Variants in IL17RA observed in about 807,000 individuals in gnomAD.
IL17RA encodes the protein interleukin 17 receptor A, also known as interleukin-17 receptor A.
Under a neutral mutation model 50.4 loss-of-function variants are expected in IL17RA, and 34 were observed. The ratio of observed to expected loss-of-function variants is 0.67; its 90% CI spans 0.51 to 0.90. IL17RA has a LOEUF of 0.90. IL17RA is among the 40% of genes least tolerant of loss of function. The probability of loss-of-function intolerance (pLI) is 0.00; values close to 1 mark genes in which losing one functional copy is unlikely to be tolerated. For missense variants in IL17RA, 1,276 were observed against 1,169.8 expected (o/e 1.09, Z -1.32); for synonymous variants, 585 against 510.4 (o/e 1.15, Z -1.97).
intron 11 of IL17RA, among the ~76,000 whole-genome samples, chr22:17,107,165 G>A (rs933553701): frequency 6.6e-5 from 10 of 152,158 alleles, no homozygotes; most frequent in African/African-American, 1.9e-4. Flanking sequence ...AAAATACCAG[G>A]AGGAAATGTT....
At chr22:17,088,996 A>G (rs911071633) in intron 1 of IL17RA, among the ~76,000 whole-genome samples, 3 of 151,812 alleles carry the variant, frequency 2.0e-5, no homozygotes, top group Non-Finnish European at 2.9e-5. Flanking sequence ...GGGTTTCACC[A>G]TGTTGGCCAG....
rs747687323 is a variant in IL17RA, at chr22:17,108,865, G to A, written c.1646G>A (p.Arg549His). Residue 549 changes from arginine to histidine, a missense_variant, in exon 13 of 13, where the codon CGC (arginine) becomes CAC (histidine). Coordinates refer to ENST00000319363, the MANE Select transcript of IL17RA (RefSeq NM_014339.7). ...ATGTTCCAGCCGGGCCGCATGCACCGCGTAGGGGAGCTGTCGGGGGACAAC... is the reference window on the plus strand; with the variant it reads ...ATGTTCCAGCCGGGCCGCATGCACCACGTAGGGGAGCTGTCGGGGGACAAC... ...LEMFQPGRMHRVGELSGDNYL... is the reference protein window; with the variant it reads ...LEMFQPGRMHHVGELSGDNYL... 9 of 1,609,348 alleles carry A rather than the reference G, an allele frequency of 5.6e-6. No homozygotes were observed. Among genetic ancestry groups the A allele is most frequent in the South Asian group, 2.2e-5 (2 of 90,512 alleles).
Position 17,110,030 on chromosome 22 carries a change from C to G in IL17RA, c.*210C>G. ...TATCGTCTATCCCCAGGGGAATCCA[C>G]ACAGCCCGCTCCCAGGAGCTAATGG... is the stretch of plus-strand genomic sequence containing the variant. On this transcript the variant is annotated 3_prime_UTR_variant, in exon 13 of 13. Transcript: ENST00000319363. 1.7e-6 allele frequency: 1 copy of G among 598,760 alleles called. No individual in the cohort carries two copies. Among genetic ancestry groups the G allele is most frequent in the Non-Finnish European group, 2.9e-6 (1 of 339,456 alleles). The allele number at this position is 598,760 out of a possible 1,614,324, so 37.1% of individuals were successfully genotyped here.
chr22:17,089,470 A>G (rs2061340293), intron 1 of IL17RA, among the ~76,000 whole-genome samples: 1 of 152,208 alleles, frequency 6.6e-6, no homozygotes, highest in South Asian at 2.1e-4. Context: ...CTCAATAAAC[A>G]TCAGCTGCCA....
chr22:17,113,485 A>G lies in IL17RA; in HGVS notation c.*3665A>G, dbSNP rs1313861027. 1 of 152,270 alleles carries G rather than the reference A, an allele frequency of 6.6e-6. No homozygotes were observed. The highest frequency in any genetic ancestry group is 1.5e-5 in the Non-Finnish European group (1 of 68,066). The allele number at this position is 152,270 out of a possible 1,614,324, so 9.4% of individuals were successfully genotyped here. A position where few individuals can be genotyped will look rare whatever the true frequency, so the allele number is the denominator to read the frequency against. ...GTGCTGGGATTATAGGCCTGAGCCC[A>G]CCGTGCCTGGCCTTTCCTGTTTATC... On this transcript the variant is annotated 3_prime_UTR_variant, in exon 13 of 13. Coordinates refer to ENST00000319363, the MANE Select transcript of IL17RA (RefSeq NM_014339.7).
rs2061371306 is a variant in IL17RA at position 17,097,148 on chromosome 22, C to G, written c.163+62C>G. 1.5e-5 allele frequency: 22 copies of G among 1,482,824 alleles called. No homozygotes were observed. In the South Asian group the frequency reaches 2.4e-4, roughly 16 times the overall value. 91.9% of individuals were successfully genotyped at this position (1,482,824 alleles called of 1,614,324 possible). On this transcript the variant is annotated intron_variant, in intron 2 of 12. Coordinates refer to ENST00000319363, the MANE Select transcript of IL17RA (RefSeq NM_014339.7). ...TCTTAATCAAGTGAGAGCCTGCTGC[C>G]AACTTCTGACAGAAGTCTTGCCATG...
chr22:17,085,373 G>C, intron 1 of IL17RA, 144 bp downstream of exon 1: 1 of 1,369,678 alleles, frequency 7.3e-7, no homozygotes, highest in Non-Finnish European at 9.5e-7. Flanking sequence ...TCAGAGCCTT[G>C]GGCACAGATA....
rs749300733 is a variant in IL17RA, at chr22:17,108,771, G to C, written c.1552G>C (p.Gly518Arg). 1.9e-6 allele frequency: 3 copies of C among 1,608,982 alleles called. No homozygotes were observed. Among genetic ancestry groups the C allele is most frequent in the Non-Finnish European group, 2.5e-6 (3 of 1,177,956 alleles). Residue 518 changes from glycine (G) to arginine (R), a missense_variant, in exon 13 of 13, where the codon GGC (glycine) becomes CGC (arginine). Coordinates refer to ENST00000319363, the MANE Select transcript of IL17RA (RefSeq NM_014339.7). ...SCDGDVPDLF[G>R]AAPRYPLMDR... ...TGACGGCGACGTCCCCGACCTGTTC[G>C]GCGCGGCGCCGCGGTACCCGCTCAT...
rs746263912 is a variant in IL17RA, at chr22:17,102,057, C to T, written c.598+14C>T. ...GCATGAGCTCAGGTAACAGCTGGCC[C>T]GGGAGAGCTTTATTTGGATGCATAC... On this transcript the variant is annotated intron_variant, in intron 6 of 12. Transcript: ENST00000319363. The T allele has an allele frequency of 5.0e-6, 8 of 1,614,160 alleles. No homozygotes were observed. Among genetic ancestry groups the T allele is most frequent in the South Asian group, 1.1e-5 (1 of 91,090 alleles).
chr22:17,108,975 G>A lies in IL17RA; in HGVS notation c.1756G>A (p.Glu586Lys), dbSNP rs925100401. The change falls in exon 13 of 13, where the codon GAA becomes AAA. Residue 586 changes from glutamate to lysine, a missense_variant. Transcript: ENST00000319363. Reference protein sequence around the residue: ...DWQVRCPDWFECENLYSADDQ... With the variant: ...DWQVRCPDWFKCENLYSADDQ... ...GCAGGTCCGCTGTCCCGACTGGTTC[G>A]AATGTGAGAACCTCTACTCAGCAGA... 5 of 1,604,538 alleles carry A rather than the reference G, an allele frequency of 3.1e-6. No individual in the cohort carries two copies. The Admixed American group carries it at 5.0e-5, about 16-fold the overall frequency.
rs745971564 is a variant in IL17RA at position 17,109,349 on chromosome 22, C to A, written c.2130C>A (p.Gly710=). ...GEACPLLGSP[G]AGRNSVLFLP... is the part of the protein sequence containing the mutation. ...CCTGCCCGCTGCTGGGCAGCCCGGG[C>A]GCTGGGCGAAATAGCGTCCTCTTCC... Residue 710 remains glycine (G), a synonymous_variant, in exon 13 of 13, where the codon GGC becomes GGA. Transcript: ENST00000319363. 2 of 1,593,002 alleles carry A rather than the reference C, an allele frequency of 1.3e-6. No individual in the cohort carries two copies.
In IL17RA at chr22:17,108,599, C is replaced by T. The variant is rs1241355748; in HGVS notation, c.1380C>T (p.Gly460=). 6.2e-7 allele frequency: 1 copy of T among 1,604,620 alleles called. No individual in the cohort carries two copies. ...GCGCCAAGTGGCAGGCGCTCCTGGG[C>T]CGGGGGGCGCCTGTGCGGCTGCGCT... ...GTRAKWQALL[G]RGAPVRLRCD... is the part of the protein sequence containing the mutation. The change falls in exon 13 of 13, where the codon GGC becomes GGT. Residue 460 remains glycine (G), a synonymous_variant. Coordinates refer to ENST00000319363, the MANE Select transcript of IL17RA (RefSeq NM_014339.7).
chr22:17,097,147 C>T lies in IL17RA; in HGVS notation c.163+61C>T, dbSNP rs1221540114. 3 of 1,503,452 alleles carry T rather than the reference C, an allele frequency of 2.0e-6. No individual in the cohort carries two copies. The Admixed American group carries it at 5.0e-5, about 25-fold the overall frequency. The allele number at this position is 1,503,452 out of a possible 1,614,324, so 93.1% of individuals were successfully genotyped here. A position where few individuals can be genotyped will look rare whatever the true frequency, so the allele number is the denominator to read the frequency against. On this transcript the variant is annotated intron_variant, in intron 2 of 12. Coordinates refer to ENST00000319363, the MANE Select transcript of IL17RA (RefSeq NM_014339.7). The stretch of plus-strand genomic sequence containing the variant: ...TTCTTAATCAAGTGAGAGCCTGCTG[C>T]CAACTTCTGACAGAAGTCTTGCCAT...
At chr22:17,094,652 A>ACTCTCTCTCTCT (rs1307011752) in intron 1 of IL17RA, among the ~76,000 whole-genome samples, 14 of 17,754 alleles carry the variant, frequency 7.9e-4, no homozygotes, top group African/African-American at 1.5e-3. Flanking sequence ...TTAGTCATAC[A>ACTCTCTCTCTCT]CACACTCTCT....
chr22:17,097,749 A>T, intron 2 of IL17RA, 48 bp from the exon 3 acceptor site: 1 of 1,612,064 alleles, frequency 6.2e-7, no homozygotes, highest in East Asian at 2.2e-5. Flanking sequence ...GGGGCATCTC[A>T]GGGTCTCGGC....
At chr22:17,104,689 A>G in intron 8 of IL17RA, 37 bp from the exon 9 acceptor site, 1 of 1,597,204 alleles carries the variant, frequency 6.3e-7, no homozygotes, top group African/African-American at 1.3e-5. Flanking sequence ...GGCGCTCTAC[A>G]GTTCTGGAGC....
chr22:17,110,777 T>C lies in IL17RA; in HGVS notation c.*957T>C, dbSNP rs2061438853. 6.6e-6 allele frequency: 1 copy of C among 152,342 alleles called. No homozygotes were observed. Among genetic ancestry groups the C allele is most frequent in the Admixed American group, 6.5e-5 (1 of 15,270 alleles). 9.4% of individuals were successfully genotyped at this position (152,342 alleles called of 1,614,324 possible). On this transcript the variant is annotated 3_prime_UTR_variant, in exon 13 of 13. Coordinates refer to ENST00000319363, the MANE Select transcript of IL17RA (RefSeq NM_014339.7). ...AGGAGGTAGAGGCTGCAGTGAGCTATAATGGTACCATTGCAATCCAGCCTG... is the reference window on the plus strand; with the variant it reads ...AGGAGGTAGAGGCTGCAGTGAGCTACAATGGTACCATTGCAATCCAGCCTG...
chr22:17,085,828 C>T (rs968370378), intron 1 of IL17RA, among the ~76,000 whole-genome samples: 1 of 152,128 alleles, frequency 6.6e-6, no homozygotes, highest in African/African-American at 2.4e-5. Flanking sequence ...ACCCCGCTGT[C>T]GTAGAGCCAC....
At position 17,110,017 on chromosome 22, in the gene IL17RA, C is replaced by G. The variant is rs1266063529; in HGVS notation, c.*197C>G. ...GCAGCGGTCTGGTTATCGTCTATCC[C>G]CAGGGGAATCCACACAGCCCGCTCC... On this transcript the variant is annotated 3_prime_UTR_variant, in exon 13 of 13. Coordinates refer to ENST00000319363, the MANE Select transcript of IL17RA (RefSeq NM_014339.7). 4 of 618,560 alleles carry G rather than the reference C, an allele frequency of 6.5e-6. No individual in the cohort carries two copies. The highest frequency in any genetic ancestry group is 1.1e-5 in the Non-Finnish European group (4 of 356,078). 38.3% of individuals were successfully genotyped at this position (618,560 alleles called of 1,614,324 possible).
Sources: gnomAD v4.1 joint callset for allele counts (sites outside exome capture counted in the v4.1 genomes callset) on GRCh38, gnomAD v4.1.1 for gene constraint, MANE v1.5 for transcripts, NCBI Gene and HGNC (gene_info 2026-07-23, HGNC 2026-07-21) for gene names.